The following PHF21A variants were observed in gnomAD, a reference collection of about 807,000 sequenced individuals.
The protein encoded by PHF21A is PHD finger protein 21A, also known as BHC80a.
A neutral mutation model predicts 82.5 loss-of-function variants in PHF21A; 11 were observed. That is an observed-to-expected ratio of 0.13 (90% CI 0.08 to 0.22). PHF21A has a LOEUF of 0.22. PHF21A is among the 10% of genes least tolerant of loss of function. The probability of loss-of-function intolerance (pLI) is 1.00; values close to 1 mark genes in which losing one functional copy is unlikely to be tolerated. For synonymous variants in PHF21A, 297 were observed against 302.8 expected, an observed-to-expected ratio of 0.98 and a Z score of 0.20; for missense variants, 579 against 837.8, an observed-to-expected ratio of 0.69 and a Z score of 3.81.
chr11:46,100,647 C>T (rs1404941905), intron 1 of PHF21A, among the ~76,000 whole-genome samples: 2 of 152,118 alleles, frequency 1.3e-5, no homozygotes, highest in African/African-American at 2.4e-5. Context: ...ATTTTCAATG[C>T]ACAGGGGTTT....
At position 45,931,882 on chromosome 11, in the gene PHF21A, C is replaced by G. The variant is rs1397822010; in HGVS notation, c.*2086G>C. ...AGAATGGTCTGAGTCTTTCACAACC[C>G]TGGTTTTCTCAAGGAGAGGCCACAA... On this transcript the variant is annotated 3_prime_UTR_variant, in exon 19 of 19. Transcript: ENST00000676320. 6.6e-6 allele frequency: 1 copy of G among 152,286 alleles called. No homozygotes were observed. Among genetic ancestry groups the G allele is most frequent in the African/African-American group, 2.4e-5 (1 of 41,472 alleles). 9.4% of individuals were successfully genotyped at this position (152,286 alleles called of 1,614,324 possible).
chr11:45,956,938 C>G (rs1313464860), intron 10 of PHF21A, among the ~76,000 whole-genome samples: 1 of 152,034 alleles, frequency 6.6e-6, no homozygotes, highest in Non-Finnish European at 1.5e-5. Context: ...GAGAAAAAGA[C>G]ACAAAAAGGT....
intron 10 of PHF21A, among the ~76,000 whole-genome samples, chr11:45,962,791 G>A (rs936874789): frequency 6.6e-6 from 1 of 151,730 alleles, no homozygotes; most frequent in Non-Finnish European, 1.5e-5. Context: ...TACTTGGGAG[G>A]TTGAGGCAGG....
chr11:46,088,156 A>G (rs141500467), intron 3 of PHF21A, among the ~76,000 whole-genome samples: 12 of 152,348 alleles, frequency 7.9e-5, no homozygotes, highest in Middle Eastern at 3.4e-3. Flanking sequence ...CATTTGTAAA[A>G]GATGATTTAA....
chr11:45,966,736 C>T (rs1367923470), intron 9 of PHF21A, among the ~76,000 whole-genome samples: 1 of 152,184 alleles, frequency 6.6e-6, no homozygotes, highest in African/African-American at 2.4e-5. Context: ...TCTCCTGCCC[C>T]AGCCTCCTGA....
chr11:46,054,451 T>A (rs2096419738), intron 6 of PHF21A, among the ~76,000 whole-genome samples: 1 of 152,146 alleles, frequency 6.6e-6, no homozygotes, highest in Non-Finnish European at 1.5e-5. Flanking sequence ...ACTTACCTAC[T>A]CCTACACATC....
intron 6 of PHF21A, among the ~76,000 whole-genome samples, chr11:46,045,604 A>G (rs1452014156): frequency 2.0e-5 from 3 of 152,226 alleles, no homozygotes; most frequent in Non-Finnish European, 4.4e-5. Flanking sequence ...AAGGACTCAA[A>G]GCACTACAAT....
At chr11:45,950,338 G>T in intron 11 of PHF21A, 81 bp from the exon 12 acceptor site, 1 of 1,212,056 alleles carries the variant, frequency 8.3e-7, no homozygotes, top group South Asian at 1.3e-5. Flanking sequence ...TAGGACATTA[G>T]GGAAAGCCAG....
chr11:45,969,715 C>T (rs1219139518), intron 9 of PHF21A, 100 bp downstream of exon 9: 2 of 752,358 alleles, frequency 2.7e-6, no homozygotes, highest in Middle Eastern at 2.3e-4. Context: ...GCGGGATAGA[C>T]AGCTGGGCTG....
At chr11:46,017,531 A>C (rs2095540400) in intron 6 of PHF21A, among the ~76,000 whole-genome samples, 1 of 151,976 alleles carries the variant, frequency 6.6e-6, no homozygotes, top group Admixed American at 6.6e-5. Flanking sequence ...ACTCCTGACA[A>C]GGAAGAGCTC....
In PHF21A at chr11:46,030,302, A is replaced by G. The variant is rs190133761; in HGVS notation, c.153+46452T>C. On this transcript the variant is annotated intron_variant, in intron 6 of 18. Coordinates refer to ENST00000676320, the MANE Select transcript of PHF21A (RefSeq NM_001352027.3). ...CAATATAAAATTATTTTTTCTCTCC[A>G]TAAGTTCTCTTGCTCCAATCAAGAA... Among the ~76,000 whole-genome samples the G allele has an allele frequency of 3.5e-3, 532 of 152,324 alleles. 2 individuals carry two copies. Among genetic ancestry groups the G allele is most frequent in the Non-Finnish European group, 5.3e-3 (360 of 68,032 alleles).
intron 6 of PHF21A, among the ~76,000 whole-genome samples, chr11:46,054,695 G>A (rs2096424938): frequency 6.6e-6 from 1 of 152,112 alleles, no homozygotes. Context: ...TCACTAATAT[G>A]CCACTAGAAG....
chr11:45,977,566 C>T (rs1243226497), intron 7 of PHF21A, among the ~76,000 whole-genome samples: 1 of 152,170 alleles, frequency 6.6e-6, no homozygotes, highest in Non-Finnish European at 1.5e-5. Flanking sequence ...TTCTGATCAA[C>T]CTGTACTTTG....
intron 6 of PHF21A, among the ~76,000 whole-genome samples, chr11:46,023,135 A>G (rs1461221659): frequency 6.6e-6 from 1 of 152,226 alleles, no homozygotes; most frequent in Non-Finnish European, 1.5e-5. Flanking sequence ...AACAAAAACA[A>G]TTAGAAAAAA....
chr11:45,938,277 T>C lies in PHF21A; in HGVS notation c.1488A>G (p.Arg496=), dbSNP rs2089569672. The change falls in exon 16 of 19, where the codon AGA becomes AGG. Residue 496 remains arginine (R), a synonymous_variant. Coordinates refer to ENST00000676320, the MANE Select transcript of PHF21A (RefSeq NM_001352027.3). ...CGCACATCAGTAACTGGCCACTTTT[T>C]CTGCAAACGCTGCAAAAATCCTCAT... is the stretch of plus-strand genomic sequence containing the variant. ...DIHEDFCSVC[R]KSGQLLMCDT... is the part of the protein sequence containing the mutation. 1 of 1,611,540 alleles carries C rather than the reference T, an allele frequency of 6.2e-7. No individual in the cohort carries two copies.
intron 6 of PHF21A, among the ~76,000 whole-genome samples, chr11:46,061,188 A>G (rs1052928128): frequency 6.6e-6 from 1 of 152,160 alleles, no homozygotes. Context: ...TACCAGTACC[A>G]TGCTGTTTTG....
intron 7 of PHF21A, among the ~76,000 whole-genome samples, chr11:45,975,239 GGGA>G (rs1490912005): frequency 6.6e-6 from 1 of 151,854 alleles, no homozygotes; most frequent in Non-Finnish European, 1.5e-5. Flanking sequence ...ACCTAAGCCT[GGGA>G]GGTCAAGGCT....
intron 18 of PHF21A, chr11:45,935,098 A>C (rs996415185): frequency 3.9e-6 from 5 of 1,288,244 alleles, no homozygotes; most frequent in Non-Finnish European, 5.1e-6. Flanking sequence ...CCACTTGGAC[A>C]GGCCGGGCTG....
At chr11:45,962,936 A>T (rs1264264731) in intron 10 of PHF21A, among the ~76,000 whole-genome samples, 2 of 151,832 alleles carry the variant, frequency 1.3e-5, no homozygotes, top group Non-Finnish European at 2.9e-5. Flanking sequence ...TACAAAAGAA[A>T]TTATTTTAAT....
Sources: gnomAD v4.1 joint callset for allele counts (sites outside exome capture counted in the v4.1 genomes callset) on GRCh38, gnomAD v4.1.1 for gene constraint, MANE v1.5 for transcripts, NCBI Gene and HGNC (gene_info 2026-07-23, HGNC 2026-07-21) for gene names.